The following GRID2 variants were observed in gnomAD, a reference collection of about 807,000 sequenced individuals.
GRID2 encodes the protein glutamate ionotropic receptor delta type subunit 2.
A neutral mutation model predicts 114.8 loss-of-function variants in GRID2; 33 were observed. The ratio of observed to expected loss-of-function variants is 0.29; its 90% CI spans 0.22 to 0.38. GRID2 has a LOEUF of 0.38. Among genes scored for constraint, GRID2 ranks in the 10% least tolerant of loss-of-function variants. The pLI is 1.00. For missense variants in GRID2, 1,184 were observed against 1,257.7 expected (o/e 0.94, Z 0.89); for synonymous variants, 505 against 449.9 (o/e 1.12, Z -1.55).
chr4:92,762,514 T>A (rs1738069259), intron 2 of GRID2, among the ~76,000 whole-genome samples: 3 of 152,260 alleles, frequency 2.0e-5, no homozygotes, highest in Non-Finnish European at 2.9e-5. Flanking sequence ...ATTTACCTCA[T>A]TAATATTTTA....
intron 2 of GRID2, among the ~76,000 whole-genome samples, chr4:92,956,247 G>A: frequency 6.6e-6 from 1 of 151,994 alleles, no homozygotes; most frequent in African/African-American, 2.4e-5. Context: ...TACCAACCCG[G>A]GTTCACAGTT....
At chr4:93,276,726 G>A (rs1752097732) in intron 8 of GRID2, among the ~76,000 whole-genome samples, 1 of 151,838 alleles carries the variant, frequency 6.6e-6, no homozygotes, top group Non-Finnish European at 1.5e-5. Context: ...TTCATTGCCA[G>A]TATGTAGAAA....
At chr4:93,234,063 A>G (rs897730743) in intron 7 of GRID2, among the ~76,000 whole-genome samples, 2 of 152,142 alleles carry the variant, frequency 1.3e-5, no homozygotes, top group East Asian at 3.9e-4. Flanking sequence ...TGAAGGAAAG[A>G]GAGAGAATTT....
chr4:93,274,118 G>A lies in GRID2; in HGVS notation c.1245+35628G>A, dbSNP rs546280023. On this transcript the variant is annotated intron_variant, in intron 8 of 15. Coordinates refer to ENST00000282020, the MANE Select transcript of GRID2 (RefSeq NM_001510.4). ...TTGAAACATAATAGCTGATGTTATC[G>A]GAATATATTTGCACCTGAAAACTGT... 1.3e-4 allele frequency among the ~76,000 whole-genome samples: 20 copies of A among 151,888 alleles called. No homozygotes were observed. The South Asian group carries it at 1.9e-3, about 14-fold the overall frequency.
chr4:93,770,688 T>C (rs115870332), intron 15 of GRID2, among the ~76,000 whole-genome samples: 2 of 152,186 alleles, frequency 1.3e-5, no homozygotes, highest in Non-Finnish European at 2.9e-5. Flanking sequence ...TCCGTTGACA[T>C]TGATTCAATG....
intron 7 of GRID2, among the ~76,000 whole-genome samples, chr4:93,236,212 T>C (rs979854655): frequency 6.6e-6 from 1 of 152,026 alleles, no homozygotes; most frequent in Non-Finnish European, 1.5e-5. Flanking sequence ...TAAAATATAA[T>C]TGGATGTTTT....
At chr4:92,577,375 G>A (rs977871989) in intron 1 of GRID2, among the ~76,000 whole-genome samples, 2 of 152,254 alleles carry the variant, frequency 1.3e-5, no homozygotes, top group Middle Eastern at 3.4e-3. Context: ...TTGTTACTAA[G>A]GTAAATAAGT....
intron 2 of GRID2, among the ~76,000 whole-genome samples, chr4:93,078,368 G>C (rs1161661969): frequency 6.6e-6 from 1 of 151,896 alleles, no homozygotes; most frequent in Non-Finnish European, 1.5e-5. Flanking sequence ...AACCTACTCA[G>C]TATGTCATTA....
At chr4:93,114,659 A>T (rs1328128517) in intron 4 of GRID2, among the ~76,000 whole-genome samples, 1 of 152,066 alleles carries the variant, frequency 6.6e-6, no homozygotes, top group African/African-American at 2.4e-5. Context: ...CCTGTTTCTC[A>T]ATTAGTTGTT....
intron 8 of GRID2, among the ~76,000 whole-genome samples, chr4:93,263,817 C>A (rs532695443): frequency 6.6e-6 from 1 of 152,126 alleles, no homozygotes; most frequent in East Asian, 1.9e-4. Flanking sequence ...AAGTTTTATC[C>A]TTCGAAAGCA....
chr4:92,502,054 T>TA, intron 1 of GRID2, among the ~76,000 whole-genome samples: 1 of 152,130 alleles, frequency 6.6e-6, no homozygotes, highest in East Asian at 1.9e-4. Context: ...ATCTGTTTAT[T>TA]AAAAAATTCC....
intron 2 of GRID2, among the ~76,000 whole-genome samples, chr4:92,922,311 C>T (rs1351298595): frequency 6.6e-6 from 1 of 152,162 alleles, no homozygotes; most frequent in Non-Finnish European, 1.5e-5. Flanking sequence ...GGCAATGACT[C>T]ACCCTGCTTC....
chr4:92,876,600 C>T (rs139580561), intron 2 of GRID2, among the ~76,000 whole-genome samples: 128 of 152,194 alleles, frequency 8.4e-4, no homozygotes, highest in African/African-American at 2.8e-3. Context: ...CCACCGCACC[C>T]GGCCAAAAAC....
chr4:92,861,709 G>A (rs554996353), intron 2 of GRID2, among the ~76,000 whole-genome samples: 100 of 152,092 alleles, frequency 6.6e-4, no homozygotes, highest in African/African-American at 2.4e-3. Context: ...CAATAAATAT[G>A]TGATGAAGGA....
At chr4:93,321,830 C>T (rs968965427) in intron 8 of GRID2, among the ~76,000 whole-genome samples, 7 of 151,828 alleles carry the variant, frequency 4.6e-5, no homozygotes, top group Non-Finnish European at 7.4e-5. Context: ...GACATCTTTA[C>T]CCTCCTCCCA....
intron 2 of GRID2, among the ~76,000 whole-genome samples, chr4:92,952,644 A>G (rs578000533): frequency 6.6e-6 from 1 of 152,358 alleles, no homozygotes; most frequent in South Asian, 2.1e-4. Flanking sequence ...GTGACTAAAC[A>G]TAACTGAATT....
intron 2 of GRID2, among the ~76,000 whole-genome samples, chr4:92,913,728 G>A (rs769591786): frequency 1.3e-4 from 19 of 151,840 alleles, no homozygotes; most frequent in Admixed American, 3.3e-4. Flanking sequence ...CTGGTTGAGA[G>A]AGAAAATTGT....
chr4:92,390,304 A>T (rs1263323122), intron 1 of GRID2, among the ~76,000 whole-genome samples: 2 of 152,202 alleles, frequency 1.3e-5, no homozygotes, highest in African/African-American at 2.4e-5. Context: ...AATTAATTGA[A>T]AGAATAACCG....
At chr4:92,455,761 T>C (rs994944173) in intron 1 of GRID2, among the ~76,000 whole-genome samples, 1 of 152,122 alleles carries the variant, frequency 6.6e-6, no homozygotes, top group African/African-American at 2.4e-5. Flanking sequence ...AGAATACACC[T>C]GAGATGAATT....
Sources: gnomAD v4.1 joint callset for allele counts (sites outside exome capture counted in the v4.1 genomes callset) on GRCh38, gnomAD v4.1.1 for gene constraint, MANE v1.5 for transcripts, NCBI Gene and HGNC (gene_info 2026-07-23, HGNC 2026-07-21) for gene names.